SWT1: variants seen among roughly 807,000 people sequenced by gnomAD.
The protein encoded by SWT1 is SWT1 RNA endoribonuclease homolog.
Under a neutral mutation model 107.3 loss-of-function variants are expected in SWT1, and 33 were observed. That is an observed-to-expected ratio of 0.31 (90% confidence interval 0.23 to 0.41). The LOEUF is 0.41. SWT1 is among the 10% of genes least tolerant of loss of function. The probability of loss-of-function intolerance (pLI) is 1.00; values close to 1 mark genes in which losing one functional copy is unlikely to be tolerated. For synonymous variants in SWT1, 345 were observed against 348.3 expected (o/e 0.99, Z 0.11); for missense variants, 898 against 1,028.9 (o/e 0.87, Z 1.74).
chr1:185,187,916 C>T, intron 9 of SWT1, among the ~76,000 whole-genome samples: 1 of 152,200 alleles, frequency 6.6e-6, no homozygotes, highest in Middle Eastern at 3.2e-3. Context: ...TGGTCTCGAT[C>T]TCCTGACCTC....
intron 18 of SWT1, chr1:185,280,882 C>G (rs756162553): frequency 8.6e-6 from 4 of 462,934 alleles, no homozygotes; most frequent in East Asian, 6.2e-5. Flanking sequence ...TGGTCTACCC[C>G]CTGTTGCTTC....
At position 185,222,184 on chromosome 1, in the gene SWT1, AT is replaced by A. The variant is rs1036956612; in HGVS notation, c.2309+149del. ...CAAATCAGGCTAGTGAGCCTGATGAATACCTCATGCATTTTAAGTGTTAAGT... is the reference window on the plus strand; with the variant it reads ...CAAATCAGGCTAGTGAGCCTGATGAAACCTCATGCATTTTAAGTGTTAAGT... On this transcript the variant is annotated intron_variant, in intron 15 of 18. Coordinates refer to ENST00000367500, the MANE Select transcript of SWT1 (RefSeq NM_017673.7). 36 of 473,324 alleles carry A rather than the reference AT, an allele frequency of 7.6e-5. No individual in the cohort carries two copies. In the Admixed American group the frequency reaches 9.0e-4, roughly 12 times the overall value. 29.3% of individuals were successfully genotyped at this position (473,324 alleles called of 1,614,324 possible).
intron 2 of SWT1, among the ~76,000 whole-genome samples, chr1:185,164,040 C>T (rs1030494255): frequency 6.6e-6 from 1 of 152,168 alleles, no homozygotes; most frequent in Admixed American, 6.5e-5. Flanking sequence ...AGTTAGACTC[C>T]TTGATCTATG....
At chr1:185,174,286 C>T (rs1181061616) in intron 4 of SWT1, 86 bp from the exon 5 acceptor site, 1 of 1,083,046 alleles carries the variant, frequency 9.2e-7, no homozygotes, top group African/African-American at 1.6e-5. Flanking sequence ...TTAATGTCAG[C>T]CCAATTCTGT....
intron 6 of SWT1, 72 bp downstream of exon 6, chr1:185,180,522 A>G (rs891549923): frequency 4.6e-6 from 5 of 1,081,990 alleles, no homozygotes; most frequent in Admixed American, 3.6e-5. Flanking sequence ...ATAAAAAATA[A>G]TGACTGTAGA....
chr1:185,253,034 T>C (rs1162906572), intron 16 of SWT1, among the ~76,000 whole-genome samples: 2 of 139,230 alleles, frequency 1.4e-5, no homozygotes, highest in Non-Finnish European at 3.1e-5. Context: ...ATTTATTAAA[T>C]AGGGAATCCT....
At chr1:185,276,980 A>G (rs530403431) in intron 18 of SWT1, among the ~76,000 whole-genome samples, 2 of 152,292 alleles carry the variant, frequency 1.3e-5, no homozygotes, top group African/African-American at 4.8e-5. Flanking sequence ...GCTGTATTAA[A>G]ACTTAGAACT....
intron 16 of SWT1, among the ~76,000 whole-genome samples, chr1:185,270,193 C>G (rs1351010650): frequency 6.6e-6 from 1 of 151,274 alleles, no homozygotes; most frequent in Admixed American, 6.6e-5. Context: ...AGTAACTCAC[C>G]AAGGTCACAC....
chr1:185,176,196 G>A (rs1315681169), intron 5 of SWT1, among the ~76,000 whole-genome samples: 1 of 150,774 alleles, frequency 6.6e-6, no homozygotes, highest in African/African-American at 2.4e-5. Flanking sequence ...ACTGAGGTGG[G>A]AGGATCACTT....
chr1:185,228,198 T>A (rs35995990), intron 15 of SWT1, among the ~76,000 whole-genome samples: 1 of 128,488 alleles, frequency 7.8e-6, no homozygotes, highest in African/African-American at 3.2e-5. Flanking sequence ...TACATATATA[T>A]ATACTCAGTA....
At chr1:185,253,942 A>G (rs1287030779) in intron 16 of SWT1, among the ~76,000 whole-genome samples, 2 of 150,020 alleles carry the variant, frequency 1.3e-5, no homozygotes, top group Non-Finnish European at 2.9e-5. Flanking sequence ...TATTATTTTG[A>G]AATATGTCCC....
chr1:185,173,060 A>T (rs1016756568), intron 4 of SWT1, among the ~76,000 whole-genome samples: 1 of 150,936 alleles, frequency 6.6e-6, no homozygotes, highest in African/African-American at 2.4e-5. Flanking sequence ...AAAAAAAAAA[A>T]AGAAGAAAAT....
chr1:185,291,627 G>T lies in SWT1; in HGVS notation c.*824G>T, dbSNP rs965881493. The T allele has an allele frequency of 3.3e-5, 5 of 152,554 alleles. No individual in the cohort carries two copies. 9.5% of individuals were successfully genotyped at this position (152,554 alleles called of 1,614,324 possible). On this transcript the variant is annotated 3_prime_UTR_variant, in exon 19 of 19. Coordinates refer to ENST00000367500, the MANE Select transcript of SWT1 (RefSeq NM_017673.7). ...TTTTGTTAACACATTAGATTAAATA[G>T]AATTTGGTATTCTATTATAAATGTT...
chr1:185,259,732 C>T (rs1662890667), intron 16 of SWT1, among the ~76,000 whole-genome samples: 1 of 152,006 alleles, frequency 6.6e-6, no homozygotes, highest in African/African-American at 2.4e-5. Flanking sequence ...CAGACTTTTC[C>T]CTCTATAGGG....
At chr1:185,236,641 T>G (rs986143467) in intron 16 of SWT1, among the ~76,000 whole-genome samples, 1 of 152,144 alleles carries the variant, frequency 6.6e-6, no homozygotes, top group African/African-American at 2.4e-5. Context: ...GGCAATACCA[T>G]TCAGGACATA....
rs186283787 is a variant in SWT1 at position 185,174,926 on chromosome 1, C to T, written c.779C>T (p.Ser260Leu). ...GTCTTCAACATAGATTCTAATAATT[C>T]GAAGACTAAGCAGGAAGAAAGAGAA... ...ENVFNIDSNN[S>L]KTKQEEREYL... The change falls in exon 5 of 19, where the codon TCG becomes TTG. Residue 260 changes from serine to leucine, a missense_variant. This residue lies in a region of SWT1 where 382 missense variants were observed against 362.4 expected (regional missense o/e 1.05). Coordinates refer to ENST00000367500, the MANE Select transcript of SWT1 (RefSeq NM_017673.7). 1.1e-5 allele frequency: 17 copies of T among 1,613,816 alleles called. No homozygotes were observed. The highest frequency in any genetic ancestry group is 2.7e-5 in the African/African-American group (2 of 74,984).
chr1:185,228,652 C>G (rs1415035173), intron 15 of SWT1, among the ~76,000 whole-genome samples: 2 of 152,096 alleles, frequency 1.3e-5, no homozygotes, highest in Non-Finnish European at 2.9e-5. Flanking sequence ...TTTTTTCATA[C>G]TTTCAGGCAC....
chr1:185,162,567 A>G (rs1201498682), intron 2 of SWT1, among the ~76,000 whole-genome samples: 2 of 152,030 alleles, frequency 1.3e-5, no homozygotes, highest in Non-Finnish European at 2.9e-5. Context: ...TTGTGATTCC[A>G]TTCTTTGAGT....
intron 2 of SWT1, among the ~76,000 whole-genome samples, chr1:185,164,178 T>C (rs1654387935): frequency 6.6e-6 from 1 of 152,132 alleles, no homozygotes; most frequent in Admixed American, 6.5e-5. Flanking sequence ...GGAATCTTTT[T>C]TTTTTTTTTC....
Sources: allele counts gnomAD v4.1 joint callset (sites outside exome capture counted in the v4.1 genomes callset), GRCh38; gene constraint gnomAD v4.1.1; regional missense constraint gnomAD v4.1.1; transcripts MANE v1.5; gene names NCBI Gene and HGNC (gene_info 2026-07-23, HGNC 2026-07-21).